The following BRD1 variants were observed in gnomAD, a reference collection of about 807,000 sequenced individuals.
BRD1 encodes bromodomain-containing protein 1.
Under a neutral mutation model 107.7 loss-of-function variants are expected in BRD1, and 24 were observed. The observed-to-expected ratio is 0.22, with a 90% CI of 0.16 to 0.31. The LOEUF (loss-of-function observed/expected upper bound fraction) is 0.31, where lower values mean the gene tolerates loss of function less well. BRD1 is among the 10% of genes least tolerant of loss of function. The probability of loss-of-function intolerance (pLI) is 1.00; values close to 1 mark genes in which losing one functional copy is unlikely to be tolerated. For missense variants in BRD1, 1,279 were observed against 1,638.6 expected (o/e 0.78, Z 3.79); for synonymous variants, 744 against 686.1 (o/e 1.08, Z -1.32).
chr22:49,777,562 G>T, intron 9 of BRD1, 116 bp downstream of exon 9: 1 of 1,441,166 alleles, frequency 6.9e-7, no homozygotes, highest in South Asian at 1.3e-5. Context: ...TCCCAGGCCA[G>T]AATTTTTCAG....
intron 2 of BRD1, among the ~76,000 whole-genome samples, chr22:49,810,474 T>C (rs1356385123): frequency 6.6e-6 from 1 of 152,200 alleles, no homozygotes; most frequent in African/African-American, 2.4e-5. Context: ...AGAAAGCAGA[T>C]AAACTGGACT....
At chr22:49,811,580 C>T (rs1434830135) in intron 2 of BRD1, among the ~76,000 whole-genome samples, 1 of 152,180 alleles carries the variant, frequency 6.6e-6, no homozygotes, top group African/African-American at 2.4e-5. Context: ...TTCACGCTCC[C>T]GGCAGGCAGG....
Position 49,801,247 on chromosome 22 carries a change from C to T in BRD1, c.1525-2128G>A, listed in dbSNP as rs891308956. Among the ~76,000 whole-genome samples, 22 of 152,206 alleles carry T rather than the reference C, an allele frequency of 1.4e-4. 1 individual carries two copies. The highest frequency in any genetic ancestry group is 1.1e-3 in the Admixed American group (17 of 15,286). ...CTCACCCTTTATAAAGCTAAGCTGC[C>T]GCCCCCGTTCTCCCTGCGGCCTTCA... is the stretch of plus-strand genomic sequence containing the variant. On this transcript the variant is annotated intron_variant, in intron 3 of 12. Coordinates refer to ENST00000404760, the MANE Select transcript of BRD1 (RefSeq NM_001304808.3).
At position 49,787,660 on chromosome 22, in the gene BRD1, G is replaced by C. The variant is rs1459476818; in HGVS notation, c.2587C>G (p.Pro863Ala). ...EPTRASSGDV[P>A]AAAASAVAEP... ...GCCACCGCGGAGGCCGCCGCCGCCG[G>C]CACATCGCCACTACTGGCGCGGGTG... Residue 863 changes from proline to alanine, a missense_variant, in exon 8 of 13, where the codon CCG becomes GCG. Physicochemically the swap from Pro to Ala is conservative, Grantham distance 27. Transcript: ENST00000404760. 6.4e-7 allele frequency: 1 copy of C among 1,550,498 alleles called. No individual in the cohort carries two copies. Among genetic ancestry groups the C allele is most frequent in the Admixed American group, 2.0e-5 (1 of 51,018 alleles).
chr22:49,821,492 T>C (rs1284881393), intron 2 of BRD1, among the ~76,000 whole-genome samples: 6 of 152,254 alleles, frequency 3.9e-5, no homozygotes, highest in Admixed American at 3.9e-4. Context: ...TATGAGCATT[T>C]TTTGTTCATT....
At chr22:49,781,570 G>A (rs2059208805) in intron 8 of BRD1, among the ~76,000 whole-genome samples, 1 of 152,218 alleles carries the variant, frequency 6.6e-6, no homozygotes, top group Admixed American at 6.5e-5. Flanking sequence ...CGGAGCCATG[G>A]GAACGCAACC....
intron 2 of BRD1, among the ~76,000 whole-genome samples, chr22:49,816,211 C>T (rs182037355): frequency 6.6e-6 from 1 of 152,200 alleles, no homozygotes; most frequent in Non-Finnish European, 1.5e-5. Context: ...GGGGCCGCGG[C>T]CGGTGGCTCT....
chr22:49,776,308 TC>T, intron 10 of BRD1, 149 bp from the exon 11 acceptor site: 1 of 687,892 alleles, frequency 1.5e-6, no homozygotes, highest in South Asian at 1.7e-5. Flanking sequence ...CACCACTGCC[TC>T]CCCTGTGGGG....
Position 49,803,724 on chromosome 22 carries a change from C to T in BRD1, c.1524+480G>A, listed in dbSNP as rs890676549. ...CCACCACAGTCCCAGCTAAACCAAC[C>T]TTCAGAGCAAGGCCCTCGAAATAAA... On this transcript the variant is annotated intron_variant, in intron 3 of 12. Coordinates refer to ENST00000404760, the MANE Select transcript of BRD1 (RefSeq NM_001304808.3). This position sits in a 1 kb window ranked among gnomAD's most constrained non-coding sequence, Gnocchi z 4.4. Among the ~76,000 whole-genome samples, 1 of 152,192 alleles carries T rather than the reference C, an allele frequency of 6.6e-6. No homozygotes were observed. Among genetic ancestry groups the T allele is most frequent in the Non-Finnish European group, 1.5e-5 (1 of 68,030 alleles).
chr22:49,780,221 C>G (rs1569086638), intron 8 of BRD1, among the ~76,000 whole-genome samples: 1 of 152,204 alleles, frequency 6.6e-6, no homozygotes, highest in Admixed American at 6.5e-5. Flanking sequence ...GCAGCCACGA[C>G]GGCCCCGGCT....
chr22:49,800,316 G>A (rs918701045), intron 3 of BRD1, among the ~76,000 whole-genome samples: 1 of 152,178 alleles, frequency 6.6e-6, no homozygotes, highest in African/African-American at 2.4e-5. Context: ...CTGCGCTGAT[G>A]TCCCCTGAAG....
chr22:49,818,047 G>A (rs922870919), intron 2 of BRD1, among the ~76,000 whole-genome samples: 1 of 152,202 alleles, frequency 6.6e-6, no homozygotes, highest in Non-Finnish European at 1.5e-5. Flanking sequence ...AGTTCGCCAC[G>A]TATTTTCACC....
chr22:49,775,817 C>CT, intron 11 of BRD1, 72 bp from the exon 12 acceptor site: 1 of 1,205,028 alleles, frequency 8.3e-7, no homozygotes, highest in Non-Finnish European at 1.0e-6. Flanking sequence ...TCACTGGCAC[C>CT]CCCCCCCGCC....
At chr22:49,826,705 G>C (rs1335652234) in intron 1 of BRD1, among the ~76,000 whole-genome samples, 2 of 152,220 alleles carry the variant, frequency 1.3e-5, no homozygotes, top group African/African-American at 2.4e-5. Context: ...CGCTGGGCCG[G>C]CCAAACAAAA....
At chr22:49,811,679 T>C (rs1170635014) in intron 2 of BRD1, among the ~76,000 whole-genome samples, 1 of 152,210 alleles carries the variant, frequency 6.6e-6, no homozygotes, top group Non-Finnish European at 1.5e-5. Context: ...TCCCATTTAA[T>C]ACTTTCAGAC....
At chr22:49,790,624 A>C (rs1342662546) in intron 7 of BRD1, among the ~76,000 whole-genome samples, 2 of 152,232 alleles carry the variant, frequency 1.3e-5, no homozygotes, top group Non-Finnish European at 2.9e-5. Flanking sequence ...CTGCTATGTC[A>C]ATCAAAGGTT....
rs751791848 is a variant in BRD1, at chr22:49,777,740, G to A, written c.2931C>T (p.Pro977=). 1 of 1,607,218 alleles carries A rather than the reference G, an allele frequency of 6.2e-7. No homozygotes were observed. The highest frequency in any genetic ancestry group is 2.2e-5 in the East Asian group (1 of 44,714). ...PGGGLGRKAT[P]RRRCASESSI... is the part of the protein sequence containing the mutation. Reference sequence around the variant, plus strand: ...TGGACTCGGAGGCACAGCGTCGTCGGGGTGTGGCCTTCCTCCCCAGGCCGC... The same window carrying A: ...TGGACTCGGAGGCACAGCGTCGTCGAGGTGTGGCCTTCCTCCCCAGGCCGC... Residue 977 remains proline (P), a synonymous_variant, in exon 9 of 13, where the codon CCC becomes CCT. Coordinates refer to ENST00000404760, the MANE Select transcript of BRD1 (RefSeq NM_001304808.3).
rs1377485341 is a variant in BRD1, at chr22:49,783,492, C to T, written c.2857+3898G>A. On this transcript the variant is annotated intron_variant, in intron 8 of 12. Transcript: ENST00000404760. The surrounding 1 kb of genome is among the most constrained non-coding windows in gnomAD (Gnocchi z 4.2). Reference sequence around the variant, plus strand: ...ACCCCATGGCACAGACACAGCACAACGCGCCTGGGCATGGCCGTCACACCC... The same window carrying T: ...ACCCCATGGCACAGACACAGCACAATGCGCCTGGGCATGGCCGTCACACCC... Among the ~76,000 whole-genome samples, 1 of 152,242 alleles carries T rather than the reference C, an allele frequency of 6.6e-6. No individual in the cohort carries two copies. The highest frequency in any genetic ancestry group is 6.5e-5 in the Admixed American group (1 of 15,292).
chr22:49,816,124 T>C (rs2059947065), intron 2 of BRD1, among the ~76,000 whole-genome samples: 2 of 152,158 alleles, frequency 1.3e-5, no homozygotes, highest in Admixed American at 6.5e-5. Flanking sequence ...CTTCAATCCA[T>C]GCCAGATACA....
Sources: allele counts gnomAD v4.1 joint callset (sites outside exome capture counted in the v4.1 genomes callset), GRCh38; gene constraint gnomAD v4.1.1; non-coding constraint Gnocchi (gnomAD v3.1); transcripts MANE v1.5; gene names NCBI Gene and HGNC (gene_info 2026-07-23, HGNC 2026-07-21).